PCDHGB6: variants seen among roughly 807,000 people sequenced by gnomAD.
PCDHGB6 encodes the protein protocadherin gamma-B6.
PCDHGB6 carries 51 observed loss-of-function variants against 59.1 expected under a neutral mutation model. That is an observed-to-expected ratio of 0.86 (90% CI 0.69 to 1.09). The LOEUF (loss-of-function observed/expected upper bound fraction) is 1.09. PCDHGB6 is among the 50% of genes least tolerant of loss of function. The pLI, the probability that PCDHGB6 is intolerant of heterozygous loss-of-function variation, is 0.00. For synonymous variants in PCDHGB6, 466 were observed against 495.1 expected, an observed-to-expected ratio of 0.94 and a Z score of 0.78; for missense variants, 1,148 against 1,205.1, an observed-to-expected ratio of 0.95 and a Z score of 0.70.
rs2097504446 is a variant in PCDHGB6, at chr5:141,432,472, T to C, written c.2418+21852T>C. The C allele has an allele frequency of 9.9e-6, 16 of 1,614,012 alleles. No homozygotes were observed. Among genetic ancestry groups the C allele is most frequent in the Non-Finnish European group, 1.4e-5 (16 of 1,180,036 alleles). ...TGTACCCCGCCCTCCCCACGGACGG[T>C]TCCACTGGCGTGGAGCTGGCTCCCC... On this transcript the variant is annotated intron_variant, in intron 1 of 3. Transcript: ENST00000520790. This position sits in a 1 kb window ranked among gnomAD's most constrained non-coding sequence, Gnocchi z 6.0.
rs200790843 is a variant in PCDHGB6 at position 141,432,196 on chromosome 5, C to A, written c.2418+21576C>A. ...TCGTCTCTGTGACCGCCCACGACCCCGACTGTGAAGAGAACGCCCAGATCA... is the reference window on the plus strand; with the variant it reads ...TCGTCTCTGTGACCGCCCACGACCCAGACTGTGAAGAGAACGCCCAGATCA... On this transcript the variant is annotated intron_variant, in intron 1 of 3. Coordinates refer to ENST00000520790, the MANE Select transcript of PCDHGB6 (RefSeq NM_018926.3). This position sits in a 1 kb window ranked among gnomAD's most constrained non-coding sequence, Gnocchi z 6.0. The A allele has an allele frequency of 6.2e-7, 1 of 1,614,192 alleles. No homozygotes were observed.
intron 1 of PCDHGB6, among the ~76,000 whole-genome samples, chr5:141,454,859 G>A (rs2098805080): frequency 7.9e-6 from 1 of 126,982 alleles, no homozygotes; most frequent in African/African-American, 3.1e-5. Flanking sequence ...CCAGGCTGGA[G>A]TGCAGTGGCA....
chr5:141,422,643 C>T, intron 1 of PCDHGB6: 1 of 1,612,336 alleles, frequency 6.2e-7, no homozygotes, highest in Non-Finnish European at 8.5e-7. Flanking sequence ...GTGCCTCCAT[C>T]TTCTCAGTGA....
intron 1 of PCDHGB6, chr5:141,420,076 TCCC>T: frequency 1.9e-6 from 3 of 1,613,956 alleles, no homozygotes; most frequent in Non-Finnish European, 2.5e-6. Context: ...GACCTGTGGG[TCCC>T]CCCAACTACA....
chr5:141,474,597 T>C (rs1454833258), intron 1 of PCDHGB6, among the ~76,000 whole-genome samples: 2 of 152,248 alleles, frequency 1.3e-5, no homozygotes, highest in Non-Finnish European at 2.9e-5. Flanking sequence ...CATGGAAATA[T>C]AGGTCACATA....
chr5:141,490,106 T>C lies in PCDHGB6; in HGVS notation c.2419-4701T>C, dbSNP rs1314489019. On this transcript the variant is annotated intron_variant, in intron 1 of 3. Coordinates refer to ENST00000520790, the MANE Select transcript of PCDHGB6 (RefSeq NM_018926.3). The surrounding 1 kb of genome is among the most constrained non-coding windows in gnomAD (Gnocchi z 5.4). ...TTTGGAGACCACACATCTGAGGCAG[T>C]GCGGAACCTCTTTGGCCTAGACCCT... 2.5e-6 allele frequency: 4 copies of C among 1,614,246 alleles called. No homozygotes were observed. Among genetic ancestry groups the C allele is most frequent in the South Asian group, 1.1e-5 (1 of 91,086 alleles).
chr5:141,466,195 C>G (rs1269214888), intron 1 of PCDHGB6, among the ~76,000 whole-genome samples: 1 of 151,748 alleles, frequency 6.6e-6, no homozygotes, highest in Non-Finnish European at 1.5e-5. Flanking sequence ...TTTTCAGACA[C>G]AGCCTTGCTC....
chr5:141,410,625 G>A lies in PCDHGB6; in HGVS notation c.2418+5G>A, dbSNP rs202058499. The A allele has an allele frequency of 6.2e-7, 1 of 1,602,442 alleles. No homozygotes were observed. Among genetic ancestry groups the A allele is most frequent in the Non-Finnish European group, 8.5e-7 (1 of 1,179,384 alleles). ...CATCCTGAGACTCTGACTTCGGTGA[G>A]TTTCTCTTTTTTGTGTGTGATTTAT... On this transcript the variant is annotated splice_donor_5th_base_variant and intron_variant, in intron 1 of 3. Transcript: ENST00000520790.
rs780715519 is a variant in PCDHGB6 at position 141,409,378 on chromosome 5, C to G, written c.1176C>G (p.Phe392Leu). Reference sequence around the variant, plus strand: ...GTAATATAGAAACAGACATTCCATTCAAGATTTATTCTTCTTCCAATAACT... The same window carrying G: ...GTAATATAGAAACAGACATTCCATTGAAGATTTATTCTTCTTCCAATAACT... ...VRCNIETDIP[F>L]KIYSSSNNYY... Residue 392 changes from phenylalanine to leucine, a missense_variant, in exon 1 of 4, where the codon TTC becomes TTG. Physicochemically the swap from Phe to Leu is conservative, Grantham distance 22. Coordinates refer to ENST00000520790, the MANE Select transcript of PCDHGB6 (RefSeq NM_018926.3). 3 of 1,613,996 alleles carry G rather than the reference C, an allele frequency of 1.9e-6. No homozygotes were observed. Among genetic ancestry groups the G allele is most frequent in the Non-Finnish European group, 2.5e-6 (3 of 1,179,902 alleles).
intron 1 of PCDHGB6, among the ~76,000 whole-genome samples, chr5:141,470,600 G>A (rs890975756): frequency 4.6e-5 from 7 of 152,142 alleles, no homozygotes; most frequent in South Asian, 2.1e-4. Context: ...CGACCTGTGC[G>A]GGGACACAGG....
intron 1 of PCDHGB6, chr5:141,419,533 C>A: frequency 6.2e-7 from 1 of 1,612,106 alleles, no homozygotes; most frequent in Non-Finnish European, 8.5e-7. Flanking sequence ...GTAACGACAA[C>A]GCACCGCGGG....
chr5:141,489,660 G>A lies in PCDHGB6; in HGVS notation c.2419-5147G>A, dbSNP rs763985085. 3 of 1,614,096 alleles carry A rather than the reference G, an allele frequency of 1.9e-6. No individual in the cohort carries two copies. Among genetic ancestry groups the A allele is most frequent in the Non-Finnish European group, 2.5e-6 (3 of 1,180,036 alleles). On this transcript the variant is annotated intron_variant, in intron 1 of 3. Coordinates refer to ENST00000520790, the MANE Select transcript of PCDHGB6 (RefSeq NM_018926.3). The surrounding 1 kb of genome is among the most constrained non-coding windows in gnomAD (Gnocchi z 4.5). Reference sequence around the variant, plus strand: ...GCTTTGCCACCCCTGAGCGAGAGATGCGCATCTCAGAATCAGCAGCATCTG... The same window carrying A: ...GCTTTGCCACCCCTGAGCGAGAGATACGCATCTCAGAATCAGCAGCATCTG...
chr5:141,436,267 T>C (rs2097805427), intron 1 of PCDHGB6, among the ~76,000 whole-genome samples: 1 of 152,198 alleles, frequency 6.6e-6, no homozygotes, highest in South Asian at 2.1e-4. Flanking sequence ...TCTGCTCACC[T>C]AACTTGATTT....
At chr5:141,479,619 T>C (rs1327758222) in intron 1 of PCDHGB6, 1 of 152,220 alleles carries the variant, frequency 6.6e-6, no homozygotes, top group Non-Finnish European at 1.5e-5. Flanking sequence ...AGGGAAACCA[T>C]GTCTCTTTAA....
chr5:141,511,411 A>T lies in PCDHGB6; in HGVS notation c.*238A>T. On this transcript the variant is annotated 3_prime_UTR_variant, in exon 4 of 4. Transcript: ENST00000520790. ...GAACCCCCATCCAATCAACTGCTGTACCCATGGGGGTAGTGGGGTTACTGT... is the reference window on the plus strand; with the variant it reads ...GAACCCCCATCCAATCAACTGCTGTTCCCATGGGGGTAGTGGGGTTACTGT... 1.1e-6 allele frequency: 1 copy of T among 901,334 alleles called. No individual in the cohort carries two copies. Among genetic ancestry groups the T allele is most frequent in the Non-Finnish European group, 1.6e-6 (1 of 617,750 alleles). 55.8% of individuals were successfully genotyped at this position (901,334 alleles called of 1,614,324 possible).
At position 141,460,912 on chromosome 5, in the gene PCDHGB6, G is replaced by GTA. The variant is rs34683754; in HGVS notation, c.2419-33883_2419-33882dup. ...TCGTGGCTGAGTAATATTCCATGGT[G>GTA]TATATATATATATGTGTGTGTGTAT... On this transcript the variant is annotated intron_variant, in intron 1 of 3. Coordinates refer to ENST00000520790, the MANE Select transcript of PCDHGB6 (RefSeq NM_018926.3). Among the ~76,000 whole-genome samples, 731 of 149,318 alleles carry GTA rather than the reference G, an allele frequency of 4.9e-3. 9 individuals carry two copies. Among genetic ancestry groups the GTA allele is most frequent in the African/African-American group, 0.016 (631 of 40,624 alleles).
rs755863653 is a variant in PCDHGB6 at position 141,422,228 on chromosome 5, TG to T, written c.2418+11609del. 2.3e-5 allele frequency: 36 copies of T among 1,565,448 alleles called. No individual in the cohort carries two copies. The Middle Eastern group carries it at 8.6e-4, about 37-fold the overall frequency. ...GGAGGTCTCTTTACCACCACGACGA[TG>T]TTGATCACTGTTGTGGATGTGAATG... On this transcript the variant is annotated intron_variant, in intron 1 of 3. Transcript: ENST00000520790.
Position 141,408,066 on chromosome 5 carries a change from G to T in PCDHGB6, c.-137G>T. 1 of 1,364,656 alleles carries T rather than the reference G, an allele frequency of 7.3e-7. No homozygotes were observed. Among genetic ancestry groups the T allele is most frequent in the Non-Finnish European group, 9.7e-7 (1 of 1,032,380 alleles). The allele number at this position is 1,364,656 out of a possible 1,614,324, so 84.5% of individuals were successfully genotyped here. On this transcript the variant is annotated 5_prime_UTR_variant, in exon 1 of 4. Transcript: ENST00000520790. ...CCACACAGAGCCTCCCGGCTGCGCA[G>T]ACCTTTCCCAGCACAGCGGATTGCC...
Position 141,489,900 on chromosome 5 carries a change from A to T in PCDHGB6, c.2419-4907A>T. ...TTACTGCTGTGGATGGGGGGACCCC[A>T]GCCCGCTCAGGGACCACCCTTATCT... On this transcript the variant is annotated intron_variant, in intron 1 of 3. Coordinates refer to ENST00000520790, the MANE Select transcript of PCDHGB6 (RefSeq NM_018926.3). This position sits in a 1 kb window ranked among gnomAD's most constrained non-coding sequence, Gnocchi z 4.5. The T allele has an allele frequency of 6.2e-7, 1 of 1,614,254 alleles. No homozygotes were observed. The highest frequency in any genetic ancestry group is 8.5e-7 in the Non-Finnish European group (1 of 1,180,044).
Sources: allele counts gnomAD v4.1 joint callset (sites outside exome capture counted in the v4.1 genomes callset), GRCh38; gene constraint gnomAD v4.1.1; non-coding constraint Gnocchi (gnomAD v3.1); transcripts MANE v1.5; gene names NCBI Gene and HGNC (gene_info 2026-07-23, HGNC 2026-07-21).